The following NRXN3 variants were observed in gnomAD, a reference collection of about 807,000 sequenced individuals.
NRXN3 encodes the protein neurexin III.
A neutral mutation model predicts 137.6 loss-of-function variants in NRXN3; 32 were observed. The observed-to-expected ratio is 0.23, with a 90% CI of 0.18 to 0.31. The LOEUF (loss-of-function observed/expected upper bound fraction) is 0.31. Among genes scored for constraint, NRXN3 ranks in the 10% least tolerant of loss-of-function variants. The probability of loss-of-function intolerance (pLI) is 1.00; values close to 1 mark genes in which losing one functional copy is unlikely to be tolerated. For synonymous variants in NRXN3, 798 were observed against 784.5 expected (o/e 1.02, Z -0.29); for missense variants, 1,574 against 2,062.5 (o/e 0.76, Z 4.59).
intron 4 of NRXN3, among the ~76,000 whole-genome samples, chr14:78,502,805 G>A (rs193099196): frequency 6.6e-6 from 1 of 152,276 alleles, no homozygotes; most frequent in Non-Finnish European, 1.5e-5. Context: ...CTCAAACACG[G>A]AGATGAGGAG....
At chr14:79,483,544 A>G (rs1340071185) in intron 16 of NRXN3, among the ~76,000 whole-genome samples, 1 of 152,210 alleles carries the variant, frequency 6.6e-6, no homozygotes, top group East Asian at 1.9e-4. Flanking sequence ...TAACTCTAGC[A>G]GGAAGATCAA....
chr14:78,533,795 T>C (rs1446277137), intron 4 of NRXN3, among the ~76,000 whole-genome samples: 1 of 152,198 alleles, frequency 6.6e-6, no homozygotes, highest in Non-Finnish European at 1.5e-5. Context: ...GCACCTTCCT[T>C]TCTGTTGGTA....
At chr14:78,233,713 C>A (rs2065791795) in intron 1 of NRXN3, among the ~76,000 whole-genome samples, 1 of 121,336 alleles carries the variant, frequency 8.2e-6, no homozygotes, top group Non-Finnish European at 1.8e-5. Flanking sequence ...AAAAAGAATG[C>A]TTCCTACTCC....
intron 16 of NRXN3, among the ~76,000 whole-genome samples, chr14:79,484,781 G>A (rs1232413717): frequency 6.6e-6 from 1 of 152,180 alleles, no homozygotes; most frequent in Admixed American, 6.5e-5. Flanking sequence ...GAGGTTAGAA[G>A]TTGACTTTTA....
chr14:78,770,333 C>A (rs1008289075), intron 8 of NRXN3, among the ~76,000 whole-genome samples: 2 of 152,172 alleles, frequency 1.3e-5, no homozygotes, highest in African/African-American at 4.8e-5. Context: ...TGAGGGAATT[C>A]AGCTCCTTGG....
intron 15 of NRXN3, among the ~76,000 whole-genome samples, chr14:79,273,034 T>A (rs540151409): frequency 6.6e-6 from 1 of 151,630 alleles, no homozygotes; most frequent in African/African-American, 2.4e-5. Context: ...TAGCTGGGCA[T>A]GGTGGCTTGC....
intron 20 of NRXN3, among the ~76,000 whole-genome samples, chr14:79,843,447 G>T (rs1184164580): frequency 3.3e-5 from 5 of 152,174 alleles, no homozygotes; most frequent in East Asian, 1.9e-4. Flanking sequence ...GGTGCTGAAG[G>T]TTGGGATGGC....
At chr14:78,719,498 T>C (rs1165024116) in intron 8 of NRXN3, among the ~76,000 whole-genome samples, 1 of 152,154 alleles carries the variant, frequency 6.6e-6, no homozygotes, top group East Asian at 1.9e-4. Context: ...GATTGTGTCA[T>C]TGAAATGCTA....
intron 8 of NRXN3, among the ~76,000 whole-genome samples, chr14:78,727,559 A>G (rs1000640256): frequency 5.9e-5 from 9 of 152,166 alleles, no homozygotes; most frequent in African/African-American, 9.7e-5. Flanking sequence ...CCTGACCAAC[A>G]TGGGGAAACC....
chr14:79,698,029 A>T, intron 19 of NRXN3, 92 bp downstream of exon 19: 1 of 1,163,150 alleles, frequency 8.6e-7, no homozygotes, highest in South Asian at 1.5e-5. Context: ...AAAGAGTTTG[A>T]ATTACTATGT....
intron 15 of NRXN3, among the ~76,000 whole-genome samples, chr14:79,273,548 G>A (rs1012158889): frequency 3.3e-5 from 5 of 151,700 alleles, no homozygotes; most frequent in Middle Eastern, 3.4e-3. Context: ...GCAGGAGAAT[G>A]GCATGAACCC....
chr14:78,357,066 C>T (rs1399082658), intron 4 of NRXN3, among the ~76,000 whole-genome samples: 5 of 152,094 alleles, frequency 3.3e-5, no homozygotes, highest in African/African-American at 1.2e-4. Flanking sequence ...GGCTGTCATC[C>T]CCCTTGAAGA....
In NRXN3 at chr14:79,152,425, C is replaced by T. The variant is rs541824339; in HGVS notation, c.3262+164284C>T. Among the ~76,000 whole-genome samples the T allele has an allele frequency of 3.9e-5, 6 of 152,078 alleles. 1 individual carries two copies. Among genetic ancestry groups the T allele is most frequent in the Admixed American group, 3.9e-4 (6 of 15,266 alleles). ...GCAGTCTATGATGACATACGCTACT[C>T]CCCACCATTGACACATGCATTCAAA... On this transcript the variant is annotated intron_variant, in intron 15 of 20. Transcript: ENST00000335750.
chr14:78,474,528 A>G (rs2095344066), intron 4 of NRXN3, among the ~76,000 whole-genome samples: 2 of 55,032 alleles, frequency 3.6e-5, no homozygotes, highest in East Asian at 1.1e-3. Flanking sequence ...TGGGGTGAGA[A>G]TTATGACTTA....
intron 4 of NRXN3, among the ~76,000 whole-genome samples, chr14:78,308,872 C>CT (rs1472607155): frequency 1.3e-5 from 2 of 152,046 alleles, no homozygotes; most frequent in African/African-American, 4.8e-5. Context: ...TCCATTGTTC[C>CT]TTGTTGCTGG....
At chr14:78,910,736 G>A (rs2099235021) in intron 10 of NRXN3, among the ~76,000 whole-genome samples, 2 of 152,126 alleles carry the variant, frequency 1.3e-5, no homozygotes, top group Admixed American at 1.3e-4. Context: ...CTGCTGAAAT[G>A]TAACACATGT....
At chr14:79,289,406 G>A (rs2082791146) in intron 15 of NRXN3, among the ~76,000 whole-genome samples, 1 of 152,118 alleles carries the variant, frequency 6.6e-6, no homozygotes, top group Non-Finnish European at 1.5e-5. Flanking sequence ...GATCCCCTGA[G>A]GTCAGGAGTT....
At chr14:79,423,715 T>C (rs1006427588) in intron 15 of NRXN3, among the ~76,000 whole-genome samples, 18 of 152,226 alleles carry the variant, frequency 1.2e-4, no homozygotes, top group African/African-American at 4.3e-4. Flanking sequence ...TGCTTTCTGG[T>C]AGAATTCATC....
At chr14:78,274,981 A>G (rs1010933780) in intron 2 of NRXN3, among the ~76,000 whole-genome samples, 1 of 152,200 alleles carries the variant, frequency 6.6e-6, no homozygotes, top group African/African-American at 2.4e-5. Context: ...TTTTTCTATC[A>G]TAACTTAGAA....
Sources: gnomAD v4.1 joint callset for allele counts (sites outside exome capture counted in the v4.1 genomes callset) on GRCh38, gnomAD v4.1.1 for gene constraint, MANE v1.5 for transcripts, NCBI Gene and HGNC (gene_info 2026-07-23, HGNC 2026-07-21) for gene names.